The following KLHL3 variants were observed in gnomAD, a reference collection of about 807,000 sequenced individuals.
KLHL3 encodes kelch like family member 3.
Under a neutral mutation model 70.5 loss-of-function variants are expected in KLHL3, and 19 were observed. The ratio of observed to expected loss-of-function variants is 0.27; its 90% CI spans 0.19 to 0.40. KLHL3 has a LOEUF of 0.40. Ranked by LOEUF, KLHL3 falls within the 10% of genes least tolerant of loss-of-function variation. The probability of loss-of-function intolerance (pLI) is 1.00; values close to 1 mark genes in which losing one functional copy is unlikely to be tolerated. For missense variants in KLHL3, 512 were observed against 771.1 expected, an observed-to-expected ratio of 0.66 and a Z score of 3.98; for synonymous variants, 258 against 290.3, an observed-to-expected ratio of 0.89 and a Z score of 1.13.
intron 1 of KLHL3, among the ~76,000 whole-genome samples, chr5:137,731,868 C>T (rs1461487580): frequency 6.6e-6 from 1 of 152,138 alleles, no homozygotes; most frequent in Non-Finnish European, 1.5e-5. Context: ...ATAGATGTAA[C>T]ATAAAATGTA....
intron 7 of KLHL3, among the ~76,000 whole-genome samples, chr5:137,659,266 C>CAG (rs751944558): frequency 6.6e-6 from 1 of 152,208 alleles, no homozygotes; most frequent in Non-Finnish European, 1.5e-5. Flanking sequence ...CAAGTCCAGT[C>CAG]AGAGAATGAG....
chr5:137,660,499 GA>G (rs1441951729), intron 7 of KLHL3, among the ~76,000 whole-genome samples: 1 of 152,158 alleles, frequency 6.6e-6, no homozygotes, highest in African/African-American at 2.4e-5. Flanking sequence ...TTTTCTACAG[GA>G]AAGATATGCT....
chr5:137,698,249 T>C (rs773869712), intron 4 of KLHL3, 38 bp downstream of exon 4: 1 of 1,610,082 alleles, frequency 6.2e-7, no homozygotes, highest in Non-Finnish European at 8.5e-7. Flanking sequence ...GGGTCCTGAG[T>C]GTGCAATACA....
chr5:137,722,187 T>G (rs906453371), intron 1 of KLHL3, among the ~76,000 whole-genome samples: 1 of 152,224 alleles, frequency 6.6e-6, no homozygotes, highest in Non-Finnish European at 1.5e-5. Context: ...TTAGAGTATA[T>G]TTCAGAGGCC....
chr5:137,618,595 G>T lies in KLHL3; in HGVS notation c.*3503C>A, dbSNP rs948902863. The T allele has an allele frequency of 6.6e-6, 1 of 152,148 alleles. No homozygotes were observed. 9.4% of individuals were successfully genotyped at this position (152,148 alleles called of 1,614,324 possible). On this transcript the variant is annotated 3_prime_UTR_variant, in exon 15 of 15. Coordinates refer to ENST00000309755, the MANE Select transcript of KLHL3 (RefSeq NM_017415.3). ...GCTTCAGATCAACAAGGAGATAGAA[G>T]AGAATAAGGAATGGTCGGCTGGACC...
At position 137,705,361 on chromosome 5, in the gene KLHL3, C is replaced by T. The variant is rs1045937361; in HGVS notation, c.241+4389G>A. Among the ~76,000 whole-genome samples the T allele has an allele frequency of 6.6e-5, 10 of 152,326 alleles. 1 individual carries two copies. The highest frequency in any genetic ancestry group is 1.3e-4 in the Non-Finnish European group (9 of 68,024). ...GGGAAGTGAATAAGACAGCCAGGCC[C>T]TCATGGTTCTGCCTTGTGGATGATT... On this transcript the variant is annotated intron_variant, in intron 3 of 14. Coordinates refer to ENST00000309755, the MANE Select transcript of KLHL3 (RefSeq NM_017415.3).
chr5:137,688,402 C>T (rs1292282173), intron 5 of KLHL3, among the ~76,000 whole-genome samples: 1 of 152,172 alleles, frequency 6.6e-6, no homozygotes, highest in African/African-American at 2.4e-5. Flanking sequence ...GGAAGTCACC[C>T]GACAGGGAAG....
At chr5:137,709,459 G>A (rs1209395922) in intron 3 of KLHL3, among the ~76,000 whole-genome samples, 1 of 152,210 alleles carries the variant, frequency 6.6e-6, no homozygotes, top group Non-Finnish European at 1.5e-5. Flanking sequence ...AGTCTACATT[G>A]TTAACAAGCT....
intron 8 of KLHL3, among the ~76,000 whole-genome samples, chr5:137,649,851 A>C (rs1180375005): frequency 6.6e-6 from 1 of 152,194 alleles, no homozygotes; most frequent in Non-Finnish European, 1.5e-5. Context: ...GTAGTGATTA[A>C]AAGCCCAGGC....
intron 13 of KLHL3, among the ~76,000 whole-genome samples, chr5:137,627,259 T>G (rs1416112603): frequency 6.6e-6 from 1 of 152,170 alleles, no homozygotes; most frequent in African/African-American, 2.4e-5. Flanking sequence ...AAACAGGTTA[T>G]AAAATAGTGT....
chr5:137,706,025 C>T (rs1403364183), intron 3 of KLHL3: 2 of 985,440 alleles, frequency 2.0e-6, no homozygotes, highest in South Asian at 4.7e-5. Context: ...TGGATTGGGA[C>T]ACTCTCTGAT....
chr5:137,645,562 CA>C lies in KLHL3; in HGVS notation c.904-5586del, dbSNP rs796988836. Among the ~76,000 whole-genome samples the C allele has an allele frequency of 8.2e-4, 122 of 148,964 alleles. 1 individual carries two copies. The Middle Eastern group carries it at 0.018, about 21-fold the overall frequency. Reference sequence around the variant, plus strand: ...GAAAAAAACTCATTAACAATAGCTACAAAAAAAAATAAAATAACTAGGAATA... The same window carrying C: ...GAAAAAAACTCATTAACAATAGCTACAAAAAAAATAAAATAACTAGGAATA... On this transcript the variant is annotated intron_variant, in intron 8 of 14. Transcript: ENST00000309755.
At chr5:137,667,360 G>C (rs1751638645) in intron 6 of KLHL3, among the ~76,000 whole-genome samples, 1 of 152,176 alleles carries the variant, frequency 6.6e-6, no homozygotes, top group South Asian at 2.1e-4. Flanking sequence ...ATAATCAGCT[G>C]CTCATAGGTA....
chr5:137,635,429 C>T (rs986543833), intron 11 of KLHL3, among the ~76,000 whole-genome samples: 1 of 152,212 alleles, frequency 6.6e-6, no homozygotes, highest in Non-Finnish European at 1.5e-5. Flanking sequence ...CCATAGCACA[C>T]TCTCTGCTCT....
chr5:137,633,828 G>A (rs1750701065), intron 12 of KLHL3, among the ~76,000 whole-genome samples: 1 of 152,212 alleles, frequency 6.6e-6, no homozygotes, highest in Non-Finnish European at 1.5e-5. Context: ...AAGTCTGGGA[G>A]GAGGGTGAAA....
chr5:137,710,495 G>A (rs1752772075), intron 2 of KLHL3, among the ~76,000 whole-genome samples: 2 of 152,164 alleles, frequency 1.3e-5, no homozygotes, highest in South Asian at 4.1e-4. Flanking sequence ...AACTCAGAAA[G>A]GGACTTGTCT....
chr5:137,728,122 A>G (rs1753113906), intron 1 of KLHL3, among the ~76,000 whole-genome samples: 1 of 152,224 alleles, frequency 6.6e-6, no homozygotes, highest in Admixed American at 6.5e-5. Context: ...CATTTTTAAT[A>G]TAATTTATAA....
rs752714400 is a variant in KLHL3, at chr5:137,634,018, C to T, written c.1450+19G>A. On this transcript the variant is annotated intron_variant, in intron 12 of 14. Transcript: ENST00000309755. ...GTGAGCAAATCAGACACAGCCAGCA[C>T]CCCGAGGTTCTCCCATACCTGCGCC... 2 of 1,613,926 alleles carry T rather than the reference C, an allele frequency of 1.2e-6. No homozygotes were observed. The highest frequency in any genetic ancestry group is 1.7e-6 in the Non-Finnish European group (2 of 1,180,028).
chr5:137,689,265 C>G (rs1019832676), intron 5 of KLHL3, among the ~76,000 whole-genome samples: 1 of 152,220 alleles, frequency 6.6e-6, no homozygotes, highest in East Asian at 1.9e-4. Context: ...CTGTGGAAAA[C>G]AGTCTGGAGA....
Sources: allele counts gnomAD v4.1 joint callset (sites outside exome capture counted in the v4.1 genomes callset), GRCh38; gene constraint gnomAD v4.1.1; transcripts MANE v1.5; gene names NCBI Gene and HGNC (gene_info 2026-07-23, HGNC 2026-07-21).